SCN3A: variants seen among roughly 807,000 people sequenced by gnomAD.
The protein encoded by SCN3A is sodium channel protein type 3 subunit alpha.
SCN3A carries 60 observed loss-of-function variants against 187.6 expected under a neutral mutation model. The ratio of observed to expected loss-of-function variants is 0.32; its 90% CI spans 0.26 to 0.40. The LOEUF is 0.40. Among genes scored for constraint, SCN3A ranks in the 10% least tolerant of loss-of-function variants. The pLI is 1.00. For missense variants in SCN3A, 1,601 were observed against 2,428.2 expected, an observed-to-expected ratio of 0.66 and a Z score of 7.16; for synonymous variants, 788 against 829.2, an observed-to-expected ratio of 0.95 and a Z score of 0.85.
chr2:165,131,396 C>A lies in SCN3A; in HGVS notation c.2413G>T (p.Ala805Ser). Reference protein sequence around the residue: ...GNLVFTGIFTAEMVLKIIAMD... With the variant: ...GNLVFTGIFTSEMVLKIIAMD... Reference sequence around the variant, plus strand: ...GCAATGATCTTGAGAACCATTTCTGCTGTGAAAATCCCAGTAAAGACCTAA... The same window carrying A: ...GCAATGATCTTGAGAACCATTTCTGATGTGAAAATCCCAGTAAAGACCTAA... Residue 805 changes from alanine to serine, a missense_variant, in exon 16 of 28, where the codon GCA becomes TCA. Physicochemically the swap from Ala to Ser is moderately conservative, Grantham distance 99. This residue lies in a region of SCN3A where 376 missense variants were observed against 476.0 expected (regional missense o/e 0.79). Transcript: ENST00000283254. The A allele has an allele frequency of 1.2e-6, 2 of 1,604,328 alleles. No individual in the cohort carries two copies. The highest frequency in any genetic ancestry group is 1.7e-6 in the Non-Finnish European group (2 of 1,174,158).
intron 18 of SCN3A, 97 bp from the exon 19 acceptor site, chr2:165,115,672 A>G: frequency 8.9e-7 from 1 of 1,124,070 alleles, no homozygotes. Flanking sequence ...AATAGTAGTG[A>G]TAGCATTTAA....
intron 1 of SCN3A, among the ~76,000 whole-genome samples, chr2:165,193,073 A>G (rs765079236): frequency 2.6e-4 from 39 of 152,146 alleles, no homozygotes; most frequent in Non-Finnish European, 5.3e-4. Flanking sequence ...TAAAATCTAG[A>G]ACATTTAAAA....
At chr2:165,126,498 CTTT>C (rs1559205666) in intron 18 of SCN3A, among the ~76,000 whole-genome samples, 3 of 139,058 alleles carry the variant, frequency 2.2e-5, no homozygotes, top group African/African-American at 5.4e-5. Context: ...TTCTTTCTTT[CTTT>C]CCTTCTTTTT....
intron 5 of SCN3A, among the ~76,000 whole-genome samples, chr2:165,167,726 T>C (rs938202126): frequency 6.6e-6 from 1 of 152,150 alleles, no homozygotes; most frequent in Admixed American, 6.5e-5. Context: ...CATGCACAGT[T>C]TTCCCCAGCA....
chr2:165,167,717 A>T (rs928110195), intron 5 of SCN3A, among the ~76,000 whole-genome samples: 1 of 152,048 alleles, frequency 6.6e-6, no homozygotes, highest in African/African-American at 2.4e-5. Context: ...GTGTTAGTTC[A>T]TGCACAGTTT....
At chr2:165,196,967 G>A (rs1460213130) in intron 1 of SCN3A, among the ~76,000 whole-genome samples, 1 of 152,076 alleles carries the variant, frequency 6.6e-6, no homozygotes, top group African/African-American at 2.4e-5. Flanking sequence ...ATGTATAGTT[G>A]TACAAACTTA....
chr2:165,089,924 T>C lies in SCN3A; in HGVS notation c.*226A>G. 1.7e-6 allele frequency: 1 copy of C among 576,192 alleles called. No homozygotes were observed. The highest frequency in any genetic ancestry group is 3.0e-6 in the Non-Finnish European group (1 of 329,608). The allele number at this position is 576,192 out of a possible 1,614,324, so 35.7% of individuals were successfully genotyped here. On this transcript the variant is annotated 3_prime_UTR_variant, in exon 28 of 28. Coordinates refer to ENST00000283254, the MANE Select transcript of SCN3A (RefSeq NM_006922.4). ...TAGCCATTGGGTTTCTCCTCAGCAG[T>C]GTCAGCTGGTAATAAAAACAGCAAC...
At chr2:165,170,333 T>A in intron 4 of SCN3A, 97 bp downstream of exon 4, 1 of 779,022 alleles carries the variant, frequency 1.3e-6, no homozygotes, top group Non-Finnish European at 2.3e-6. Flanking sequence ...ACCATTAATC[T>A]CAAAGAAATT....
At chr2:165,192,204 C>T (rs1256912849) in intron 1 of SCN3A, among the ~76,000 whole-genome samples, 5 of 151,994 alleles carry the variant, frequency 3.3e-5, no homozygotes. Flanking sequence ...AATCAAAATA[C>T]ATACATTACA....
intron 21 of SCN3A, among the ~76,000 whole-genome samples, chr2:165,109,396 A>G (rs1686009839): frequency 1.3e-5 from 2 of 152,174 alleles, no homozygotes; most frequent in African/African-American, 4.8e-5. Flanking sequence ...CTTGTTTTGA[A>G]TGTCTAATAA....
intron 9 of SCN3A, among the ~76,000 whole-genome samples, chr2:165,159,821 C>T (rs770656725): frequency 2.2e-5 from 3 of 136,436 alleles, no homozygotes; most frequent in Admixed American, 7.7e-5. Context: ...TGGAATGTGC[C>T]GCTTAAATAC....
At chr2:165,198,635 TA>T (rs954028899) in intron 1 of SCN3A, among the ~76,000 whole-genome samples, 23 of 152,144 alleles carry the variant, frequency 1.5e-4, no homozygotes, top group African/African-American at 4.3e-4. Flanking sequence ...TTTTCCATTT[TA>T]AAAAGGGCAT....
chr2:165,116,155 AT>A (rs1686358806), intron 18 of SCN3A, among the ~76,000 whole-genome samples: 2 of 152,252 alleles, frequency 1.3e-5, no homozygotes, highest in South Asian at 4.1e-4. Context: ...TTTTCTTCTT[AT>A]TTTACTAGAA....
intron 19 of SCN3A, among the ~76,000 whole-genome samples, chr2:165,114,466 A>G (rs1183616050): frequency 1.3e-5 from 2 of 152,170 alleles, no homozygotes; most frequent in Non-Finnish European, 2.9e-5. Context: ...AGTCACACCT[A>G]TGACTCAGCT....
intron 15 of SCN3A, among the ~76,000 whole-genome samples, chr2:165,135,478 G>C (rs1436538634): frequency 6.6e-6 from 1 of 152,032 alleles, no homozygotes; most frequent in Non-Finnish European, 1.5e-5. Flanking sequence ...CTAGTCTGTA[G>C]ATATTCTAAA....
intron 26 of SCN3A, chr2:165,093,336 G>C (rs1388349951): frequency 6.6e-6 from 1 of 151,974 alleles, no homozygotes; most frequent in Non-Finnish European, 1.5e-5. Context: ...ATCTATGTAT[G>C]GGCTTGTTAA....
intron 1 of SCN3A, among the ~76,000 whole-genome samples, chr2:165,187,503 G>T (rs373279915): frequency 3.3e-5 from 5 of 152,184 alleles, no homozygotes; most frequent in Admixed American, 2.0e-4. Context: ...AACTAGTCAT[G>T]AATTCTCACC....
intron 1 of SCN3A, among the ~76,000 whole-genome samples, chr2:165,190,266 A>G (rs1366860596): frequency 6.6e-6 from 1 of 152,184 alleles, no homozygotes; most frequent in Non-Finnish European, 1.5e-5. Flanking sequence ...TTCTCCTTGT[A>G]GTAACTTCGA....
chr2:165,089,063 A>G lies in SCN3A; in HGVS notation c.*1087T>C, dbSNP rs577003865. 6.5e-6 allele frequency: 1 copy of G among 152,738 alleles called. No individual in the cohort carries two copies. Among genetic ancestry groups the G allele is most frequent in the South Asian group, 2.1e-4 (1 of 4,830 alleles). The allele number at this position is 152,738 out of a possible 1,614,324, so 9.5% of individuals were successfully genotyped here. On this transcript the variant is annotated 3_prime_UTR_variant, in exon 28 of 28. Coordinates refer to ENST00000283254, the MANE Select transcript of SCN3A (RefSeq NM_006922.4). Reference sequence around the variant, plus strand: ...ATAGAGCAGCATAGGCAATATTAACATGCATTAGTGATAGCCTTTAAACTA... The same window carrying G: ...ATAGAGCAGCATAGGCAATATTAACGTGCATTAGTGATAGCCTTTAAACTA...
Sources: gnomAD v4.1 joint callset for allele counts (sites outside exome capture counted in the v4.1 genomes callset) on GRCh38, gnomAD v4.1.1 for gene constraint, gnomAD v4.1.1 regional missense constraint, MANE v1.5 for transcripts, NCBI Gene and HGNC (gene_info 2026-07-23, HGNC 2026-07-21) for gene names.